The following SPIDR variants were observed in gnomAD, a reference collection of about 807,000 sequenced individuals.
SPIDR encodes DNA repair-scaffolding protein.
Under a neutral mutation model 104.6 loss-of-function variants are expected in SPIDR, and 93 were observed. The ratio of observed to expected loss-of-function variants is 0.89; its 90% CI spans 0.75 to 1.06. The LOEUF is 1.06. Among genes scored for constraint, SPIDR ranks in the 50% least tolerant of loss-of-function variants. The pLI, the probability that SPIDR is intolerant of heterozygous loss-of-function variation, is 0.00. For missense variants in SPIDR, 1,154 were observed against 1,111.2 expected (o/e 1.04, Z -0.55); for synonymous variants, 431 against 416.9 (o/e 1.03, Z -0.41).
intron 10 of SPIDR, among the ~76,000 whole-genome samples, chr8:47,644,559 G>A (rs2069911355): frequency 6.6e-6 from 1 of 152,176 alleles, no homozygotes; most frequent in South Asian, 2.1e-4. Context: ...TTTTCAATTG[G>A]TTTGTAGCCA....
intron 5 of SPIDR, among the ~76,000 whole-genome samples, chr8:47,300,672 A>G (rs2041912184): frequency 6.6e-6 from 1 of 152,202 alleles, no homozygotes; most frequent in Non-Finnish European, 1.5e-5. Context: ...GGTTTCCAAG[A>G]ACATCTTTAT....
chr8:47,703,873 G>T (rs1023953438), intron 14 of SPIDR, among the ~76,000 whole-genome samples: 5 of 152,190 alleles, frequency 3.3e-5, no homozygotes, highest in Non-Finnish European at 7.3e-5. Flanking sequence ...TGCGGTGTGT[G>T]TCAGGGAGAG....
intron 5 of SPIDR, among the ~76,000 whole-genome samples, chr8:47,353,467 C>A (rs2053948446): frequency 6.6e-6 from 1 of 152,098 alleles, no homozygotes; most frequent in African/African-American, 2.4e-5. Context: ...GCTTAGGTTG[C>A]TTTGGAATTT....
At chr8:47,461,412 A>G (rs1213039390) in intron 8 of SPIDR, among the ~76,000 whole-genome samples, 1 of 152,076 alleles carries the variant, frequency 6.6e-6, no homozygotes. Context: ...CCCGGATTCA[A>G]GCGATTCTCC....
In SPIDR at chr8:47,480,172, T is replaced by C. The variant is rs1437122213; in HGVS notation, c.1097+39630T>C. Among the ~76,000 whole-genome samples the C allele has an allele frequency of 3.9e-5, 6 of 152,212 alleles. No individual in the cohort carries two copies. The East Asian group carries it at 7.7e-4, about 20-fold the overall frequency. Reference sequence around the variant, plus strand: ...AAGTTCGAGACCAGCCTGGCCACAGTTGAATACTGTGCTGGGCACTGAAGA... The same window carrying C: ...AAGTTCGAGACCAGCCTGGCCACAGCTGAATACTGTGCTGGGCACTGAAGA... On this transcript the variant is annotated intron_variant, in intron 8 of 19. Coordinates refer to ENST00000297423, the MANE Select transcript of SPIDR (RefSeq NM_001080394.4).
intron 3 of SPIDR, 86 bp downstream of exon 3, chr8:47,284,180 A>G (rs2038357520): frequency 9.0e-7 from 1 of 1,105,192 alleles, no homozygotes; most frequent in Non-Finnish European, 1.3e-6. Flanking sequence ...CTGTTTTAAA[A>G]AAGTGACATG....
chr8:47,681,539 T>C (rs2077101520), intron 11 of SPIDR, among the ~76,000 whole-genome samples: 1 of 152,242 alleles, frequency 6.6e-6, no homozygotes, highest in South Asian at 2.1e-4. Context: ...CAATTATTTT[T>C]ACTAGTGAGT....
At chr8:47,547,077 A>T in intron 8 of SPIDR, 1 of 536,040 alleles carries the variant, frequency 1.9e-6, no homozygotes, top group Admixed American at 2.2e-5. Context: ...AAACTTGATG[A>T]AATCAGTGAT....
intron 5 of SPIDR, among the ~76,000 whole-genome samples, chr8:47,388,673 A>G (rs1449805566): frequency 2.0e-5 from 3 of 152,234 alleles, no homozygotes; most frequent in Non-Finnish European, 1.5e-5. Context: ...CAGAAGTCTT[A>G]TCCTAGACAC....
At chr8:47,530,369 G>A (rs1035827663) in intron 8 of SPIDR, among the ~76,000 whole-genome samples, 3 of 152,078 alleles carry the variant, frequency 2.0e-5, no homozygotes, top group Non-Finnish European at 4.4e-5. Flanking sequence ...ACTTGAACCT[G>A]GGAGGTGGAG....
chr8:47,409,901 G>A (rs1055431720), intron 7 of SPIDR, among the ~76,000 whole-genome samples: 6 of 152,034 alleles, frequency 3.9e-5, no homozygotes, highest in Non-Finnish European at 7.4e-5. Context: ...GGTGGCACAC[G>A]TCTATAGTCC....
chr8:47,711,714 T>C (rs1314448096), intron 14 of SPIDR, among the ~76,000 whole-genome samples: 1 of 152,216 alleles, frequency 6.6e-6, no homozygotes, highest in Non-Finnish European at 1.5e-5. Context: ...ATACCAATAC[T>C]TCCAACTCTA....
chr8:47,303,075 A>G (rs1285441632), intron 5 of SPIDR, among the ~76,000 whole-genome samples: 2 of 152,174 alleles, frequency 1.3e-5, no homozygotes, highest in Non-Finnish European at 2.9e-5. Flanking sequence ...GGCCTCCTTG[A>G]GCTGTGGTGC....
chr8:47,260,914 G>C (rs927986790), upstream of SPIDR: 11 of 1,215,368 alleles, frequency 9.1e-6, no homozygotes, highest in Non-Finnish European at 1.0e-5. Flanking sequence ...GAGGTGGGAC[G>C]GCGGCGCGCT....
intron 5 of SPIDR, among the ~76,000 whole-genome samples, chr8:47,367,820 G>A (rs1205280449): frequency 6.6e-6 from 1 of 152,152 alleles, no homozygotes; most frequent in Non-Finnish European, 1.5e-5. Flanking sequence ...AACGAACGTA[G>A]GAAGGAATTG....
At chr8:47,723,978 C>T (rs1011450569) in intron 16 of SPIDR, among the ~76,000 whole-genome samples, 2 of 151,196 alleles carry the variant, frequency 1.3e-5, no homozygotes, top group Non-Finnish European at 3.0e-5. Flanking sequence ...AAACTATTAT[C>T]TTTTCTATCA....
intron 15 of SPIDR, chr8:47,713,110 C>A: frequency 9.5e-7 from 1 of 1,055,752 alleles, no homozygotes; most frequent in Non-Finnish European, 1.3e-6. Context: ...GCTGGTGGCA[C>A]CCCATACTGC....
At chr8:47,710,283 T>G (rs933107990) in intron 14 of SPIDR, among the ~76,000 whole-genome samples, 11 of 152,120 alleles carry the variant, frequency 7.2e-5, no homozygotes, top group Admixed American at 2.6e-4. Flanking sequence ...ATAACCCCAA[T>G]AGTAGAGATA....
intron 10 of SPIDR, among the ~76,000 whole-genome samples, chr8:47,632,906 G>A (rs2067290020): frequency 6.6e-6 from 1 of 152,210 alleles, no homozygotes; most frequent in South Asian, 2.1e-4. Flanking sequence ...GGGGCCTGCA[G>A]CGGAAGCTCC....
Sources: allele counts gnomAD v4.1 joint callset (sites outside exome capture counted in the v4.1 genomes callset), GRCh38; gene constraint gnomAD v4.1.1; transcripts MANE v1.5; gene names NCBI Gene and HGNC (gene_info 2026-07-23, HGNC 2026-07-21).